The following SINHCAF variants were observed in gnomAD, a reference collection of about 807,000 sequenced individuals.
The protein encoded by SINHCAF is SIN3-HDAC complex associated factor, also known as SIN3-HDAC complex-associated factor.
In SINHCAF, 3 loss-of-function variants were observed where a neutral mutation model predicts 25.8. The ratio of observed to expected loss-of-function variants is 0.12; its 90% CI spans 0.05 to 0.30. The LOEUF (loss-of-function observed/expected upper bound fraction) is 0.30. Ranked by LOEUF, SINHCAF falls within the 10% of genes least tolerant of loss-of-function variation. SINHCAF has a pLI of 1.00. For missense variants in SINHCAF, 121 were observed against 262.3 expected (o/e 0.46, Z 3.72); for synonymous variants, 70 against 85.5 (o/e 0.82, Z 1.00).
chr12:31,314,309 G>A (rs890198367), intron 1 of SINHCAF, among the ~76,000 whole-genome samples: 3 of 148,634 alleles, frequency 2.0e-5, no homozygotes, highest in Middle Eastern at 3.4e-3. Context: ...CGGATCACGA[G>A]GTCACAAGAT....
intron 5 of SINHCAF, among the ~76,000 whole-genome samples, chr12:31,286,328 C>CT (rs1938063558): frequency 6.6e-6 from 1 of 151,524 alleles, no homozygotes; most frequent in South Asian, 2.1e-4. Context: ...TGTCAAACTC[C>CT]TTCTTTGCAC....
chr12:31,305,311 G>A (rs545161866), intron 1 of SINHCAF, among the ~76,000 whole-genome samples: 6 of 152,256 alleles, frequency 3.9e-5, no homozygotes, highest in South Asian at 2.1e-4. Context: ...TCCCAGGAGC[G>A]CACTGTGGGA....
rs755067305 is a variant in SINHCAF at position 31,282,683 on chromosome 12, T to G, written c.*29A>C. ...TTTTCAAAATTCAGATATTTTTTTT[T>G]TTGTTCCCCTTCTACATAAAAACCT... On this transcript the variant is annotated 3_prime_UTR_variant, in exon 6 of 6. Transcript: ENST00000337682. 3.9e-6 allele frequency: 6 copies of G among 1,520,032 alleles called. No individual in the cohort carries two copies. Among genetic ancestry groups the G allele is most frequent in the East Asian group, 2.3e-5 (1 of 43,008 alleles). The allele number at this position is 1,520,032 out of a possible 1,614,324, so 94.2% of individuals were successfully genotyped here.
chr12:31,288,368 C>A (rs908860527), intron 4 of SINHCAF, among the ~76,000 whole-genome samples: 2 of 152,174 alleles, frequency 1.3e-5, no homozygotes, highest in African/African-American at 2.4e-5. Context: ...CTTTCCTAAC[C>A]CCAGCAGAGG....
At chr12:31,321,258 G>C (rs959395866) in intron 1 of SINHCAF, among the ~76,000 whole-genome samples, 27 of 152,146 alleles carry the variant, frequency 1.8e-4, no homozygotes, top group Non-Finnish European at 8.8e-5. Context: ...TTGTGGACAA[G>C]AGAAATCAGG....
Position 31,324,919 on chromosome 12 carries a change from G to C in SINHCAF, c.-21+1105C>G. ...TTCACTCTGCTTTTTAAACTGGCAA[G>C]ACGCCATCATCAGCAAACCACATTG... On this transcript the variant is annotated intron_variant, in intron 1 of 5. Coordinates refer to ENST00000337682, the MANE Select transcript of SINHCAF (RefSeq NM_001135812.2). The surrounding 1 kb of genome is among the most constrained non-coding windows in gnomAD (Gnocchi z 5.5). 4.4e-6 allele frequency: 2 copies of C among 454,908 alleles called. No homozygotes were observed. The highest frequency in any genetic ancestry group is 3.1e-5 in the South Asian group (2 of 64,438). The allele number at this position is 454,908 out of a possible 1,614,324, so 28.2% of individuals were successfully genotyped here.
At chr12:31,319,537 A>G (rs1939620220) in intron 1 of SINHCAF, among the ~76,000 whole-genome samples, 1 of 152,244 alleles carries the variant, frequency 6.6e-6, no homozygotes, top group Non-Finnish European at 1.5e-5. Flanking sequence ...CAAAATAATA[A>G]TGACAAATCC....
At chr12:31,298,958 A>G (rs967460207) in intron 1 of SINHCAF, among the ~76,000 whole-genome samples, 2 of 152,132 alleles carry the variant, frequency 1.3e-5, no homozygotes, top group African/African-American at 2.4e-5. Flanking sequence ...CCTCTTCTAC[A>G]AGGCTTTGTG....
chr12:31,283,424 G>A (rs756893510), intron 5 of SINHCAF, among the ~76,000 whole-genome samples: 15 of 151,942 alleles, frequency 9.9e-5, no homozygotes, highest in Non-Finnish European at 1.8e-4. Flanking sequence ...CCAACATGGC[G>A]AAACCCCATC....
intron 1 of SINHCAF, among the ~76,000 whole-genome samples, chr12:31,322,857 A>C (rs1939753795): frequency 6.6e-6 from 1 of 152,216 alleles, no homozygotes; most frequent in African/African-American, 2.4e-5. Context: ...TGTCTAGACT[A>C]CAGGCAAACC....
chr12:31,322,163 C>A (rs1939720271), intron 1 of SINHCAF, among the ~76,000 whole-genome samples: 1 of 152,174 alleles, frequency 6.6e-6, no homozygotes, highest in African/African-American at 2.4e-5. Flanking sequence ...GCAGTAGAGA[C>A]CTTGTCTGTG....
intron 1 of SINHCAF, chr12:31,311,914 A>C (rs1939286024): frequency 1.8e-6 from 1 of 553,218 alleles, no homozygotes; most frequent in African/African-American, 1.9e-5. Context: ...TTTAATGACT[A>C]GTATCTTTTC....
intron 4 of SINHCAF, among the ~76,000 whole-genome samples, chr12:31,288,708 G>A (rs1191466479): frequency 6.6e-6 from 1 of 152,144 alleles, no homozygotes; most frequent in East Asian, 1.9e-4. Flanking sequence ...AAATAGAAGG[G>A]TTAAATAAGA....
chr12:31,295,361 C>A (rs749129792), intron 2 of SINHCAF, 28 bp from the exon 3 acceptor site: 3 of 1,436,470 alleles, frequency 2.1e-6, no homozygotes, highest in Non-Finnish European at 2.9e-6. Flanking sequence ...AAACCTTTAT[C>A]AGTCTCCCTT....
At chr12:31,283,941 A>T (rs1167778746) in intron 5 of SINHCAF, among the ~76,000 whole-genome samples, 2 of 152,094 alleles carry the variant, frequency 1.3e-5, no homozygotes, top group African/African-American at 4.8e-5. Context: ...AGATCCATAC[A>T]TATTGTTATA....
chr12:31,312,905 T>C (rs1453085931), intron 1 of SINHCAF, among the ~76,000 whole-genome samples: 3 of 152,254 alleles, frequency 2.0e-5, no homozygotes, highest in Non-Finnish European at 2.9e-5. Flanking sequence ...ATTTAGATTT[T>C]AATTGTTCTA....
At chr12:31,285,785 G>T (rs1938036730) in intron 5 of SINHCAF, among the ~76,000 whole-genome samples, 1 of 152,030 alleles carries the variant, frequency 6.6e-6, no homozygotes, top group African/African-American at 2.4e-5. Context: ...AGACCAGCCT[G>T]GCCAATATGG....
chr12:31,305,820 C>T (rs1349592949), intron 1 of SINHCAF, among the ~76,000 whole-genome samples: 1 of 151,996 alleles, frequency 6.6e-6, no homozygotes, highest in East Asian at 1.9e-4. Context: ...CTGCCTCAGC[C>T]TCCTGAGTAG....
intron 1 of SINHCAF, among the ~76,000 whole-genome samples, chr12:31,316,670 C>T (rs1003867998): frequency 8.5e-5 from 13 of 152,176 alleles, no homozygotes; most frequent in Middle Eastern, 6.8e-3. Context: ...ATATTAAAGA[C>T]GCTATTTAAG....
Sources: allele counts gnomAD v4.1 joint callset (sites outside exome capture counted in the v4.1 genomes callset), GRCh38; gene constraint gnomAD v4.1.1; non-coding constraint Gnocchi (gnomAD v3.1); transcripts MANE v1.5; gene names NCBI Gene and HGNC (gene_info 2026-07-23, HGNC 2026-07-21).